The following MAGI2 variants were observed in gnomAD, a reference collection of about 807,000 sequenced individuals.
The protein encoded by MAGI2 is membrane-associated guanylate kinase, WW and PDZ domain-containing protein 2.
Under a neutral mutation model 133.3 loss-of-function variants are expected in MAGI2, and 35 were observed. The ratio of observed to expected loss-of-function variants is 0.26; its 90% confidence interval spans 0.20 to 0.35. The LOEUF is 0.35. Ranked by LOEUF, MAGI2 falls within the 10% of genes least tolerant of loss-of-function variation. The pLI, the probability that MAGI2 is intolerant of heterozygous loss-of-function variation, is 1.00. For missense variants in MAGI2, 1,636 were observed against 1,863.4 expected, an observed-to-expected ratio of 0.88 and a Z score of 2.25; for synonymous variants, 729 against 710.6, an observed-to-expected ratio of 1.03 and a Z score of -0.41.
chr7:78,494,235 G>T (rs2150504023), intron 5 of MAGI2, among the ~76,000 whole-genome samples: 1 of 152,090 alleles, frequency 6.6e-6, no homozygotes, highest in African/African-American at 2.4e-5. Flanking sequence ...GGGATTACAG[G>T]CATGAACCAC....
At chr7:78,431,351 T>C (rs763358717) in intron 6 of MAGI2, among the ~76,000 whole-genome samples, 1 of 151,780 alleles carries the variant, frequency 6.6e-6, no homozygotes, top group Non-Finnish European at 1.5e-5. Context: ...TAATACCTGC[T>C]ATTTAGGGAG....
intron 2 of MAGI2, among the ~76,000 whole-genome samples, chr7:78,773,344 A>G (rs1825738342): frequency 6.6e-6 from 1 of 152,192 alleles, no homozygotes; most frequent in African/African-American, 2.4e-5. Flanking sequence ...AAAAAGATTG[A>G]TATAAATTGG....
chr7:78,405,077 A>C (rs1245622033), intron 6 of MAGI2, among the ~76,000 whole-genome samples: 1 of 152,160 alleles, frequency 6.6e-6, no homozygotes, highest in Non-Finnish European at 1.5e-5. Flanking sequence ...ACTGCTTCCC[A>C]CCAACAGCAT....
chr7:78,736,862 A>G (rs1469877683), intron 2 of MAGI2, among the ~76,000 whole-genome samples: 1 of 152,220 alleles, frequency 6.6e-6, no homozygotes, highest in Admixed American at 6.5e-5. Context: ...TCTTGATTAT[A>G]TATCTTTTTA....
intron 2 of MAGI2, among the ~76,000 whole-genome samples, chr7:78,633,445 C>A (rs1335108234): frequency 2.0e-5 from 3 of 151,956 alleles, no homozygotes; most frequent in African/African-American, 7.3e-5. Flanking sequence ...GTGGTTCATG[C>A]CTGTAATCCC....
chr7:78,860,508 C>T (rs183039819), intron 2 of MAGI2, among the ~76,000 whole-genome samples: 2 of 152,316 alleles, frequency 1.3e-5, no homozygotes, highest in African/African-American at 4.8e-5. Flanking sequence ...GCTGGAGGTT[C>T]ACTCCAGACC....
intron 2 of MAGI2, among the ~76,000 whole-genome samples, chr7:78,711,245 C>T (rs1186274638): frequency 6.6e-6 from 1 of 152,036 alleles, no homozygotes; most frequent in African/African-American, 2.4e-5. Context: ...GCATGAGCCC[C>T]CTACTAGGTC....
intron 9 of MAGI2, among the ~76,000 whole-genome samples, chr7:78,260,423 G>A (rs770560824): frequency 6.6e-6 from 1 of 152,134 alleles, no homozygotes; most frequent in Non-Finnish European, 1.5e-5. Flanking sequence ...AATTGGAAGA[G>A]TCACTTGATC....
At chr7:78,714,452 T>A (rs1819509843) in intron 2 of MAGI2, among the ~76,000 whole-genome samples, 1 of 152,146 alleles carries the variant, frequency 6.6e-6, no homozygotes, top group Non-Finnish European at 1.5e-5. Context: ...AGGAATTATG[T>A]GAAATCTCTG....
intron 1 of MAGI2, among the ~76,000 whole-genome samples, chr7:79,239,464 T>C (rs540608924): frequency 1.1e-4 from 16 of 152,338 alleles, no homozygotes; most frequent in Non-Finnish European, 2.4e-4. Flanking sequence ...CATCTTTTCA[T>C]TCATTTATCA....
intron 2 of MAGI2, among the ~76,000 whole-genome samples, chr7:78,801,555 A>C (rs148820037): frequency 1.3e-5 from 2 of 152,176 alleles, no homozygotes; most frequent in African/African-American, 4.8e-5. Context: ...TCTGCAAACC[A>C]TGTAGGAACC....
chr7:78,110,875 G>A (rs1563135145), intron 20 of MAGI2, among the ~76,000 whole-genome samples: 1 of 152,132 alleles, frequency 6.6e-6, no homozygotes, highest in Non-Finnish European at 1.5e-5. Flanking sequence ...AAACGTGAAT[G>A]GCCTGAGATT....
In MAGI2 at chr7:79,065,224, A is replaced by G. The variant is rs575575171; in HGVS notation, c.302-58018T>C. Among the ~76,000 whole-genome samples, 119 of 152,222 alleles carry G rather than the reference A, an allele frequency of 7.8e-4. 1 individual carries two copies. In the South Asian group the frequency reaches 0.024, roughly 30 times the overall value. On this transcript the variant is annotated intron_variant, in intron 1 of 21. Coordinates refer to ENST00000354212, the MANE Select transcript of MAGI2 (RefSeq NM_012301.4). ...ATCCATTCCATTATACAGTTGTTTT[A>G]TGATCTCTACAGGTTAAAGTAGCCA...
In MAGI2 at chr7:79,093,713, T is replaced by C. The variant is rs1422137762; in HGVS notation, c.302-86507A>G. On this transcript the variant is annotated intron_variant, in intron 1 of 21. Coordinates refer to ENST00000354212, the MANE Select transcript of MAGI2 (RefSeq NM_012301.4). ...CTTTCTCTTTCTTTTTCTTTTCTTT[T>C]CTTTTTTTTTTTTTTTTTTAGATGG... Among the ~76,000 whole-genome samples, 6 of 109,510 alleles carry C rather than the reference T, an allele frequency of 5.5e-5. No homozygotes were observed. The South Asian group carries it at 1.1e-3, about 21-fold the overall frequency. 71.8% of individuals were successfully genotyped at this position (109,510 alleles called of 152,430 possible).
chr7:79,113,255 G>T (rs2129544057), intron 1 of MAGI2, among the ~76,000 whole-genome samples: 1 of 152,212 alleles, frequency 6.6e-6, no homozygotes, highest in Non-Finnish European at 1.5e-5. Context: ...AATTTCCATG[G>T]CTGCGTGCTA....
chr7:78,036,947 G>T (rs1014113602), intron 21 of MAGI2, among the ~76,000 whole-genome samples: 16 of 152,144 alleles, frequency 1.1e-4, no homozygotes, highest in Non-Finnish European at 2.2e-4. Context: ...GCTCCTGTAA[G>T]GAGAGAAAAG....
chr7:78,365,627 C>T (rs1793298822), intron 7 of MAGI2, among the ~76,000 whole-genome samples: 1 of 152,164 alleles, frequency 6.6e-6, no homozygotes, highest in Non-Finnish European at 1.5e-5. Context: ...ATGGCACATA[C>T]TAAGCACTCA....
chr7:78,124,861 C>CTTTTTTTTTTTT (rs10707820), intron 20 of MAGI2, among the ~76,000 whole-genome samples: 4 of 137,430 alleles, frequency 2.9e-5, no homozygotes, highest in Non-Finnish European at 4.7e-5. Flanking sequence ...TAGCTGCTGT[C>CTTTTTTTTTTTT]TTTTTTTTTT....
intron 6 of MAGI2, among the ~76,000 whole-genome samples, chr7:78,390,799 C>T (rs1158854299): frequency 6.6e-6 from 1 of 152,146 alleles, no homozygotes; most frequent in Non-Finnish European, 1.5e-5. Flanking sequence ...CATAGGAGTA[C>T]TAAAATTAGC....
Sources: allele counts gnomAD v4.1 joint callset (sites outside exome capture counted in the v4.1 genomes callset), GRCh38; gene constraint gnomAD v4.1.1; transcripts MANE v1.5; gene names NCBI Gene and HGNC (gene_info 2026-07-23, HGNC 2026-07-21).